Variants in HYCC2 observed in about 807,000 individuals in gnomAD.
HYCC2 encodes hyccin 2.
At chr2:201,034,232 A>G in the HYCC2 span, among the ~76,000 whole-genome samples, 8 of 152,198 alleles carry the variant, frequency 5.3e-5, no homozygotes, top group African/African-American at 1.9e-4. Flanking sequence ...TTAAAAGACA[A>G]TATGAAATAA....
At chr2:201,050,335 C>T in the HYCC2 span, among the ~76,000 whole-genome samples, 1 of 151,528 alleles carries the variant, frequency 6.6e-6, no homozygotes, top group Non-Finnish European at 1.5e-5. Flanking sequence ...ATCCAAATAG[C>T]CCCAAAGCAA....
chr2:201,034,036 C>G, the HYCC2 span, among the ~76,000 whole-genome samples: 1 of 150,862 alleles, frequency 6.6e-6, no homozygotes, highest in African/African-American at 2.4e-5. Flanking sequence ...CCTATTTGAT[C>G]TTTCCTATAA....
the HYCC2 span, among the ~76,000 whole-genome samples, chr2:201,030,081 C>A: frequency 6.6e-6 from 1 of 151,924 alleles, no homozygotes; most frequent in Non-Finnish European, 1.5e-5. Flanking sequence ...AGTGAGACCC[C>A]GTCTCAAAAA....
the HYCC2 span, among the ~76,000 whole-genome samples, chr2:201,015,834 C>T: frequency 4.9e-4 from 74 of 152,266 alleles, no homozygotes; most frequent in Admixed American, 7.2e-4. Context: ...CAATTGATAG[C>T]TGCTTCCAGA....
chr2:201,066,024 A>C, the HYCC2 span, among the ~76,000 whole-genome samples: 1 of 152,202 alleles, frequency 6.6e-6, no homozygotes, highest in Admixed American at 6.6e-5. Context: ...ACTGTAAAAT[A>C]CTGCAAATTC....
chr2:201,033,295 T>C, the HYCC2 span, among the ~76,000 whole-genome samples: 3 of 151,762 alleles, frequency 2.0e-5, no homozygotes, highest in African/African-American at 4.8e-5. Context: ...GCCTTGACTT[T>C]CCAGGCTCAA....
chr2:201,058,253 C>A, the HYCC2 span, among the ~76,000 whole-genome samples: 1 of 152,158 alleles, frequency 6.6e-6, no homozygotes, highest in East Asian at 1.9e-4. Context: ...CGTCCACAGA[C>A]CCCCAGGGAT....
the HYCC2 span, among the ~76,000 whole-genome samples, chr2:201,053,186 A>G: frequency 3.3e-5 from 5 of 151,770 alleles, no homozygotes; most frequent in African/African-American, 1.2e-4. Context: ...ACAATGGCGC[A>G]ATCTCCAGTC....
At chr2:201,024,932 G>C in the HYCC2 span, among the ~76,000 whole-genome samples, 4 of 151,782 alleles carry the variant, frequency 2.6e-5, no homozygotes, top group African/African-American at 9.7e-5. Context: ...AACATGGTGA[G>C]ACCCAATATC....
At chr2:201,043,928 C>A in the HYCC2 span, among the ~76,000 whole-genome samples, 1 of 152,112 alleles carries the variant, frequency 6.6e-6, no homozygotes, top group African/African-American at 2.4e-5. Context: ...CTATCTTGCC[C>A]CAGCTGGTCT....
At chr2:200,996,718 A>G in the HYCC2 span, 1 of 152,202 alleles carries the variant, frequency 6.6e-6, no homozygotes, top group Non-Finnish European at 1.5e-5. Context: ...TGAGACACAC[A>G]CATCATTGGT....
At chr2:201,003,978 T>TA in the HYCC2 span, among the ~76,000 whole-genome samples, 3 of 151,760 alleles carry the variant, frequency 2.0e-5, no homozygotes, top group Admixed American at 2.0e-4. Context: ...CACGCCCAAC[T>TA]AATTTTTTGT....
At chr2:201,037,263 C>T in the HYCC2 span, among the ~76,000 whole-genome samples, 1 of 152,184 alleles carries the variant, frequency 6.6e-6, no homozygotes, top group African/African-American at 2.4e-5. Context: ...AATGGAAGAA[C>T]ATTCCATGCT....
At chr2:201,020,125 G>C in the HYCC2 span, among the ~76,000 whole-genome samples, 9 of 152,008 alleles carry the variant, frequency 5.9e-5, no homozygotes, top group Admixed American at 5.9e-4. Flanking sequence ...ACTTTAATTT[G>C]AAGCATATGT....
the HYCC2 span, among the ~76,000 whole-genome samples, chr2:201,057,143 A>G: frequency 2.0e-5 from 3 of 152,188 alleles, no homozygotes; most frequent in Non-Finnish European, 4.4e-5. Context: ...GACCTGACAT[A>G]CTTTCAAGAA....
the HYCC2 span, among the ~76,000 whole-genome samples, chr2:201,064,560 A>G: frequency 6.6e-6 from 1 of 152,142 alleles, no homozygotes; most frequent in Admixed American, 6.6e-5. Flanking sequence ...ACTGATAGTT[A>G]CTGTTGTGAC....
chr2:200,988,760 T>A, the HYCC2 span, among the ~76,000 whole-genome samples: 1 of 151,968 alleles, frequency 6.6e-6, no homozygotes, highest in African/African-American at 2.4e-5. Flanking sequence ...CTGATAAACA[T>A]TAGGATGTTC....
the HYCC2 span, among the ~76,000 whole-genome samples, chr2:201,018,132 T>C: frequency 3.3e-4 from 50 of 152,284 alleles, no homozygotes; most frequent in Middle Eastern, 3.4e-3. Flanking sequence ...TTTCATACGA[T>C]ATCACACAAT....
At chr2:201,034,214 T>C in the HYCC2 span, among the ~76,000 whole-genome samples, 5 of 152,204 alleles carry the variant, frequency 3.3e-5, no homozygotes, top group Admixed American at 3.3e-4. Context: ...AGTAATTTAT[T>C]AAGTACTTTA....
Sources: gnomAD v4.1 joint callset for allele counts (sites outside exome capture counted in the v4.1 genomes callset) on GRCh38, gnomAD v4.1.1 for gene constraint, MANE v1.5 for transcripts, NCBI Gene and HGNC (gene_info 2026-07-23, HGNC 2026-07-21) for gene names.